The following IFT88 variants were observed in gnomAD, a reference collection of about 807,000 sequenced individuals.
IFT88 encodes intraflagellar transport 88.
A neutral mutation model predicts 119.5 loss-of-function variants in IFT88; 74 were observed. That is an observed-to-expected ratio of 0.62 (90% CI 0.51 to 0.75). The LOEUF is 0.75. Ranked by LOEUF, IFT88 falls within the 30% of genes least tolerant of loss-of-function variation. IFT88 has a pLI of 0.00. For missense variants in IFT88, 961 were observed against 977.7 expected (o/e 0.98, Z 0.23); for synonymous variants, 279 against 316.7 (o/e 0.88, Z 1.26).
intron 22 of IFT88, among the ~76,000 whole-genome samples, chr13:20,661,576 A>G (rs1422955833): frequency 6.6e-6 from 1 of 152,104 alleles, no homozygotes; most frequent in East Asian, 1.9e-4. Flanking sequence ...TCTACTAAAA[A>G]TACAAAAAAT....
Position 20,573,745 on chromosome 13 carries a change from G to A in IFT88, c.-6-635G>A, listed in dbSNP as rs562569001. On this transcript the variant is annotated intron_variant, in intron 1 of 25. Transcript: ENST00000351808. Reference sequence around the variant, plus strand: ...CTTTTTAATTTTACACATTCTGATGGGTATGTGGTGGCTTCTGCCTTGCAT... The same window carrying A: ...CTTTTTAATTTTACACATTCTGATGAGTATGTGGTGGCTTCTGCCTTGCAT... Among the ~76,000 whole-genome samples, 18 of 152,234 alleles carry A rather than the reference G, an allele frequency of 1.2e-4. No homozygotes were observed. The South Asian group carries it at 3.5e-3, about 30-fold the overall frequency.
chr13:20,625,771 T>G lies in IFT88; in HGVS notation c.1221T>G (p.Ala407=). The G allele has an allele frequency of 1.9e-6, 3 of 1,605,358 alleles. 1 individual carries two copies. The highest frequency in any genetic ancestry group is 2.2e-5 in the South Asian group (2 of 89,102). The change falls in exon 15 of 26, where the codon GCT becomes GCG. Residue 407 remains alanine (A), a synonymous_variant. Coordinates refer to ENST00000351808, the MANE Select transcript of IFT88 (RefSeq NM_006531.5). ...ATAGGTGCGTGGAAGTGGTGAAAGC[T>G]TCTCAATATGTAGAGCTAGCCAATG... The part of the protein sequence containing the change: ...GYDWCVEVVK[A]SQYVELANDL...
intron 13 of IFT88, among the ~76,000 whole-genome samples, chr13:20,611,532 A>AC (rs1338043123): frequency 1.6e-4 from 24 of 151,362 alleles, no homozygotes; most frequent in Non-Finnish European, 3.1e-4. Context: ...AAAAAAAAAA[A>AC]AAAAAAAAAG....
chr13:20,689,076 G>A (rs945363867), intron 24 of IFT88, among the ~76,000 whole-genome samples: 1 of 152,126 alleles, frequency 6.6e-6, no homozygotes, highest in Non-Finnish European at 1.5e-5. Flanking sequence ...TGGGATTACA[G>A]GTGTGCACCA....
intron 22 of IFT88, 98 bp from the exon 23 acceptor site, chr13:20,663,400 C>A (rs536229698): frequency 3.2e-6 from 5 of 1,552,540 alleles, no homozygotes; most frequent in Non-Finnish European, 4.3e-6. Flanking sequence ...AGCATCATTC[C>A]TACCTGTATC....
chr13:20,604,997 C>T (rs745978293), intron 12 of IFT88, 38 bp from the exon 13 acceptor site: 16 of 1,031,520 alleles, frequency 1.6e-5, no homozygotes, highest in Non-Finnish European at 2.2e-5. Flanking sequence ...CTGTTTACTT[C>T]TGAATTATTC....
chr13:20,658,529 C>G (rs143515107), intron 22 of IFT88, among the ~76,000 whole-genome samples: 2 of 152,286 alleles, frequency 1.3e-5, no homozygotes, highest in Non-Finnish European at 2.9e-5. Flanking sequence ...AGAACTAGTG[C>G]TTTAGAGATT....
intron 24 of IFT88, among the ~76,000 whole-genome samples, chr13:20,672,929 G>C (rs1412147534): frequency 1.3e-5 from 2 of 152,152 alleles, no homozygotes; most frequent in Non-Finnish European, 2.9e-5. Flanking sequence ...GAAGTCCACA[G>C]ACTAGGCATT....
chr13:20,663,396 A>AT, intron 22 of IFT88, 102 bp from the exon 23 acceptor site: 2 of 1,549,266 alleles, frequency 1.3e-6, no homozygotes, highest in Non-Finnish European at 1.7e-6. Flanking sequence ...TGTAAGCATC[A>AT]TTCCTACCTG....
At chr13:20,675,546 CTG>C (rs1299383764) in intron 24 of IFT88, among the ~76,000 whole-genome samples, 1 of 152,146 alleles carries the variant, frequency 6.6e-6, no homozygotes, top group Non-Finnish European at 1.5e-5. Context: ...AATGTGTCGT[CTG>C]TGTTCTGATA....
chr13:20,591,059 T>C (rs2040581718), intron 5 of IFT88, 39 bp downstream of exon 5: 7 of 1,470,872 alleles, frequency 4.8e-6, no homozygotes, highest in Non-Finnish European at 6.6e-6. Context: ...GTGCCTTTCT[T>C]GTGACTTGGA....
chr13:20,572,379 C>T lies in IFT88; in HGVS notation c.-6-2001C>T, dbSNP rs147805076. On this transcript the variant is annotated intron_variant, in intron 1 of 25. Coordinates refer to ENST00000351808, the MANE Select transcript of IFT88 (RefSeq NM_006531.5). ...AATTACAGATGTGCACCACCATGCC[C>T]GGCTAGTTTTTGTATTTTTAGTAGC... Among the ~76,000 whole-genome samples, 240 of 152,120 alleles carry T rather than the reference C, an allele frequency of 1.6e-3. 1 individual carries two copies. The highest frequency in any genetic ancestry group is 5.4e-3 in the African/African-American group (226 of 41,510).
intron 16 of IFT88, among the ~76,000 whole-genome samples, chr13:20,633,142 G>A (rs1447119553): frequency 1.3e-5 from 2 of 152,164 alleles, no homozygotes; most frequent in Non-Finnish European, 2.9e-5. Flanking sequence ...ATGGAAGCAA[G>A]TAGACAGAAG....
At chr13:20,619,429 A>C (rs1445261355) in intron 14 of IFT88, among the ~76,000 whole-genome samples, 1 of 152,164 alleles carries the variant, frequency 6.6e-6, no homozygotes, top group Non-Finnish European at 1.5e-5. Context: ...GCAGGCATCC[A>C]TAATTTAGTT....
chr13:20,668,825 G>A (rs2055240718), intron 23 of IFT88, among the ~76,000 whole-genome samples: 1 of 152,226 alleles, frequency 6.6e-6, no homozygotes. Context: ...ATGCCAGCTG[G>A]CATATCCAAG....
chr13:20,690,730 T>C lies in IFT88; in HGVS notation c.2268T>C (p.Ser756=), dbSNP rs2058391524. The C allele has an allele frequency of 1.9e-6, 3 of 1,612,784 alleles. No individual in the cohort carries two copies. The highest frequency in any genetic ancestry group is 2.5e-6 in the Non-Finnish European group (3 of 1,178,802). ...SGDSGQNYSA[S]SKGERLSARL... ...ATAGTGGCCAGAACTATAGTGCCAG[T>C]AGTAAAGGTGAACGACTAAGTGCCA... The change falls in exon 25 of 26, where the codon AGT becomes AGC. Residue 756 remains serine, a synonymous_variant. Coordinates refer to ENST00000351808, the MANE Select transcript of IFT88 (RefSeq NM_006531.5).
At chr13:20,583,112 G>T in intron 3 of IFT88, 93 bp downstream of exon 3, 1 of 670,140 alleles carries the variant, frequency 1.5e-6, no homozygotes, top group Non-Finnish European at 2.5e-6. Flanking sequence ...TTCCTGTAGT[G>T]TTAAAGATTA....
At chr13:20,595,255 C>T (rs781686522) in intron 7 of IFT88, among the ~76,000 whole-genome samples, 34 of 152,128 alleles carry the variant, frequency 2.2e-4, no homozygotes, top group Non-Finnish European at 4.9e-4. Context: ...GCCTGGGCAA[C>T]ATAGCAAGAA....
intron 24 of IFT88, among the ~76,000 whole-genome samples, chr13:20,684,850 A>G (rs773975808): frequency 5.3e-5 from 8 of 152,162 alleles, no homozygotes; most frequent in South Asian, 4.2e-4. Context: ...ACGTTCTCCA[A>G]CTGTCGCTTC....
Sources: allele counts gnomAD v4.1 joint callset (sites outside exome capture counted in the v4.1 genomes callset), GRCh38; gene constraint gnomAD v4.1.1; transcripts MANE v1.5; gene names NCBI Gene and HGNC (gene_info 2026-07-23, HGNC 2026-07-21).